The following SIPA1L2 variants were observed in gnomAD, a reference collection of about 807,000 sequenced individuals.
The protein encoded by SIPA1L2 is signal-induced proliferation-associated 1-like protein 2.
A neutral mutation model predicts 163.9 loss-of-function variants in SIPA1L2; 56 were observed. That is an observed-to-expected ratio of 0.34 (90% confidence interval 0.28 to 0.43). The LOEUF (loss-of-function observed/expected upper bound fraction) is 0.43. Among genes scored for constraint, SIPA1L2 ranks in the 20% least tolerant of loss-of-function variants. SIPA1L2 has a pLI of 1.00. For synonymous variants in SIPA1L2, 877 were observed against 865.7 expected (o/e 1.01, Z -0.23); for missense variants, 1,974 against 2,193.5 (o/e 0.90, Z 2.00).
chr1:232,425,667 G>C lies in SIPA1L2; in HGVS notation c.4552C>G (p.Leu1518Val). ...VLDQALPNDI[L>V]FSTTPPYHST... ...TGGTAGGGTGGGGTGGTGCTGAACAGAATGTCGTTGGGCAGGGCCTGGTCA... is the reference window on the plus strand; with the variant it reads ...TGGTAGGGTGGGGTGGTGCTGAACACAATGTCGTTGGGCAGGGCCTGGTCA... Residue 1518 changes from leucine (L) to valine (V), a missense_variant, in exon 18 of 23, where the codon CTG becomes GTG. This residue lies in a region of SIPA1L2 where 1,079 missense variants were observed against 1,150.7 expected (regional missense o/e 0.94). Transcript: ENST00000674635. 1 of 1,613,658 alleles carries C rather than the reference G, an allele frequency of 6.2e-7. No individual in the cohort carries two copies. Among genetic ancestry groups the C allele is most frequent in the Non-Finnish European group, 8.5e-7 (1 of 1,179,926 alleles).
At chr1:232,446,530 C>G (rs1229212467) in intron 10 of SIPA1L2, among the ~76,000 whole-genome samples, 1 of 152,182 alleles carries the variant, frequency 6.6e-6, no homozygotes, top group Non-Finnish European at 1.5e-5. Flanking sequence ...TAGAAAAAAT[C>G]ATACTAAATA....
chr1:232,446,697 T>C (rs1348244324), intron 10 of SIPA1L2, among the ~76,000 whole-genome samples: 2 of 152,374 alleles, frequency 1.3e-5, no homozygotes, highest in South Asian at 2.1e-4. Context: ...TCTTTCTCTG[T>C]CTGTAGTTCC....
At chr1:232,622,345 C>T (rs1413730333) in intron 1 of SIPA1L2, among the ~76,000 whole-genome samples, 1 of 152,198 alleles carries the variant, frequency 6.6e-6, no homozygotes, top group African/African-American at 2.4e-5. Context: ...ACTGAGTCAA[C>T]AAAAGATGCA....
At chr1:232,605,292 C>T (rs564995096) in intron 1 of SIPA1L2, among the ~76,000 whole-genome samples, 40 of 152,302 alleles carry the variant, frequency 2.6e-4, no homozygotes, top group African/African-American at 7.9e-4. Flanking sequence ...AGGAGTATTA[C>T]ATGTGTGAGC....
intron 15 of SIPA1L2, among the ~76,000 whole-genome samples, chr1:232,435,736 G>C (rs1558174765): frequency 6.6e-6 from 1 of 151,854 alleles, no homozygotes; most frequent in African/African-American, 2.4e-5. Flanking sequence ...CTCGAAGAAA[G>C]AAAAAAAATG....
At chr1:232,518,144 T>C (rs1269675796) in intron 2 of SIPA1L2, among the ~76,000 whole-genome samples, 1 of 152,220 alleles carries the variant, frequency 6.6e-6, no homozygotes, top group South Asian at 2.1e-4. Context: ...ATGAAAACTA[T>C]AGCAAACTCA....
At chr1:232,470,725 G>A (rs1367049382) in intron 8 of SIPA1L2, among the ~76,000 whole-genome samples, 1 of 152,114 alleles carries the variant, frequency 6.6e-6, no homozygotes, top group African/African-American at 2.4e-5. Flanking sequence ...TTAAGATGAG[G>A]AATCAAATGT....
intron 1 of SIPA1L2, among the ~76,000 whole-genome samples, chr1:232,602,240 A>G (rs1661636488): frequency 6.6e-6 from 1 of 152,152 alleles, no homozygotes; most frequent in Admixed American, 6.5e-5. Flanking sequence ...GAGACCAAGG[A>G]GAGTGGTGTG....
intron 10 of SIPA1L2, among the ~76,000 whole-genome samples, chr1:232,458,521 T>C (rs528171313): frequency 6.6e-6 from 1 of 152,328 alleles, no homozygotes; most frequent in Admixed American, 6.5e-5. Context: ...TAAAAATTTC[T>C]TACTAACAGT....
chr1:232,440,533 G>A (rs779138683), intron 14 of SIPA1L2, among the ~76,000 whole-genome samples: 30 of 152,304 alleles, frequency 2.0e-4, no homozygotes, highest in Non-Finnish European at 4.0e-4. Flanking sequence ...AGACAAGGTC[G>A]CGGTCACAGC....
chr1:232,498,165 C>T (rs1402953380), intron 3 of SIPA1L2, among the ~76,000 whole-genome samples: 2 of 152,166 alleles, frequency 1.3e-5, no homozygotes, highest in Admixed American at 6.5e-5. Flanking sequence ...GCGTAATAAA[C>T]TGTTCTTGAA....
chr1:232,554,342 G>A (rs542598734), intron 2 of SIPA1L2, among the ~76,000 whole-genome samples: 1 of 152,278 alleles, frequency 6.6e-6, no homozygotes, highest in South Asian at 2.1e-4. Flanking sequence ...ATACAAAGAA[G>A]AAGGGCTCCT....
At chr1:232,605,284 G>A (rs922055435) in intron 1 of SIPA1L2, among the ~76,000 whole-genome samples, 6 of 152,162 alleles carry the variant, frequency 3.9e-5, no homozygotes, top group East Asian at 1.9e-4. Flanking sequence ...AAAGTGCCAG[G>A]AGTATTACAT....
Position 232,514,517 on chromosome 1 carries a change from C to T in SIPA1L2, c.823G>A (p.Asp275Asn), listed in dbSNP as rs1667129927. The change falls in exon 3 of 23, where the codon GAC becomes AAC. Residue 275 changes from aspartate to asparagine, a missense_variant. Asp to Asn is a conservative substitution (Grantham distance 23, BLOSUM62 1). Transcript: ENST00000674635. ...DSALLMGRDR[D>N]KPFKRRLKSE... ...TTCAACCTCCGTTTGAAAGGCTTGT[C>T]CCTGTCTCTCCCCATCAGGAGGGCA... 8 of 1,614,186 alleles carry T rather than the reference C, an allele frequency of 5.0e-6. No individual in the cohort carries two copies. Among genetic ancestry groups the T allele is most frequent in the Middle Eastern group, 1.6e-4 (1 of 6,062 alleles).
At chr1:232,584,639 C>T (rs890338628) in intron 1 of SIPA1L2, among the ~76,000 whole-genome samples, 1 of 152,188 alleles carries the variant, frequency 6.6e-6, no homozygotes. Context: ...TAATCTACCT[C>T]TTGTCAATGA....
At chr1:232,426,845 G>A (rs1299555812) in intron 17 of SIPA1L2, among the ~76,000 whole-genome samples, 1 of 152,138 alleles carries the variant, frequency 6.6e-6, no homozygotes, top group Non-Finnish European at 1.5e-5. Context: ...AATCAAATCT[G>A]AATTTTCAAC....
At chr1:232,610,879 T>A (rs1413061368) in intron 1 of SIPA1L2, among the ~76,000 whole-genome samples, 2 of 152,072 alleles carry the variant, frequency 1.3e-5, no homozygotes, top group Non-Finnish European at 2.9e-5. Flanking sequence ...AAAAGTAAAA[T>A]AAAAACTCTA....
chr1:232,455,536 C>T (rs989026696), intron 10 of SIPA1L2, among the ~76,000 whole-genome samples: 1 of 151,946 alleles, frequency 6.6e-6, no homozygotes, highest in African/African-American at 2.4e-5. Flanking sequence ...AAAACATTAG[C>T]CGGGCGTGGT....
At chr1:232,522,025 A>C (rs1667480477) in intron 2 of SIPA1L2, among the ~76,000 whole-genome samples, 1 of 152,040 alleles carries the variant, frequency 6.6e-6, no homozygotes, top group South Asian at 2.1e-4. Context: ...CAGGTGCCCA[A>C]CCCAAACACC....
Sources: allele counts gnomAD v4.1 joint callset (sites outside exome capture counted in the v4.1 genomes callset), GRCh38; gene constraint gnomAD v4.1.1; regional missense constraint gnomAD v4.1.1; transcripts MANE v1.5; gene names NCBI Gene and HGNC (gene_info 2026-07-23, HGNC 2026-07-21).